GSN: variants seen among roughly 807,000 people sequenced by gnomAD.
The protein encoded by GSN is actin-depolymerizing factor.
In GSN, 56 loss-of-function variants were observed where a neutral mutation model predicts 85.7. The ratio of observed to expected loss-of-function variants is 0.65; its 90% CI spans 0.53 to 0.82. The LOEUF is 0.82. Among genes scored for constraint, GSN ranks in the 40% least tolerant of loss-of-function variants. The pLI, the probability that GSN is intolerant of heterozygous loss-of-function variation, is 0.00. For synonymous variants in GSN, 373 were observed against 399.1 expected, an observed-to-expected ratio of 0.93 and a Z score of 0.78; for missense variants, 857 against 979.8, an observed-to-expected ratio of 0.87 and a Z score of 1.67.
intron 4 of GSN, among the ~76,000 whole-genome samples, chr9:121,211,699 G>A (rs1036104735): frequency 6.6e-6 from 1 of 152,090 alleles, no homozygotes; most frequent in Non-Finnish European, 1.5e-5. Context: ...AGAGAGGTTA[G>A]TTGATCTTTT....
chr9:121,305,871 T>A (rs2060358736), intron 4 of GSN, among the ~76,000 whole-genome samples: 1 of 152,166 alleles, frequency 6.6e-6, no homozygotes, highest in African/African-American at 2.4e-5. Flanking sequence ...CAATTATAGA[T>A]CCCGGAGGAG....
chr9:121,240,080 A>T (rs1294398455), intron 5 of GSN: 1 of 152,852 alleles, frequency 6.5e-6, no homozygotes, highest in Non-Finnish European at 1.5e-5. Context: ...CAGCGCCATC[A>T]TCTTGACATA....
intron 4 of GSN, among the ~76,000 whole-genome samples, chr9:121,212,749 T>C (rs2053990480): frequency 1.3e-5 from 2 of 151,218 alleles, no homozygotes; most frequent in Admixed American, 6.6e-5. Context: ...ATTCAAGCAA[T>C]TCTCCTGCCT....
the GSN span, among the ~76,000 whole-genome samples, chr9:121,202,166 G>T: frequency 9.2e-5 from 14 of 152,364 alleles, no homozygotes; most frequent in South Asian, 1.2e-3. Context: ...CTGGTGGGGT[G>T]CGCCTGCGTC....
At chr9:121,264,122 G>C (rs2055147700), upstream of GSN, among the ~76,000 whole-genome samples, 1 of 152,066 alleles carries the variant, frequency 6.6e-6, no homozygotes, top group Non-Finnish European at 1.5e-5. Flanking sequence ...ATTGAAGGCT[G>C]TGCTTAATAC....
At chr9:121,300,885 C>T (rs1467075178) in intron 2 of GSN, among the ~76,000 whole-genome samples, 3 of 152,134 alleles carry the variant, frequency 2.0e-5, no homozygotes, top group Non-Finnish European at 2.9e-5. Flanking sequence ...AGAGGGGGCT[C>T]CTGTGGATCA....
At chr9:121,264,269 A>G (rs558183472), upstream of GSN, among the ~76,000 whole-genome samples, 3 of 152,064 alleles carry the variant, frequency 2.0e-5, no homozygotes, top group East Asian at 5.8e-4. Flanking sequence ...GTCTGGTAAC[A>G]TAGAGAGACT....
chr9:121,291,793 T>C (rs1394153657), intron 2 of GSN, among the ~76,000 whole-genome samples: 1 of 152,162 alleles, frequency 6.6e-6, no homozygotes, highest in Non-Finnish European at 1.5e-5. Flanking sequence ...ATATGGCCAT[T>C]CTATCCCTGT....
upstream of GSN, chr9:121,203,254 C>T (rs1163172759): frequency 6.6e-6 from 1 of 152,096 alleles, no homozygotes; most frequent in East Asian, 1.9e-4. Flanking sequence ...CACTGTGTCA[C>T]TAGATAGAGT....
chr9:121,323,433 G>T (rs1337399073), intron 11 of GSN, among the ~76,000 whole-genome samples: 1 of 146,322 alleles, frequency 6.8e-6, no homozygotes, highest in Non-Finnish European at 1.5e-5. Flanking sequence ...GCAGTGGCAT[G>T]ATCTCGGCTC....
intron 1 of GSN, among the ~76,000 whole-genome samples, chr9:121,272,074 G>A (rs2056058039): frequency 6.6e-6 from 1 of 152,208 alleles, no homozygotes; most frequent in Non-Finnish European, 1.5e-5. Flanking sequence ...GGCAGCCGGG[G>A]GATGTTAAGT....
chr9:121,321,806 G>A (rs533397868), intron 11 of GSN, among the ~76,000 whole-genome samples: 33 of 151,934 alleles, frequency 2.2e-4, no homozygotes, highest in African/African-American at 6.3e-4. Flanking sequence ...GCAGTGGTGC[G>A]GTCTCGCTCA....
At chr9:121,272,591 G>A (rs1366214195) in intron 1 of GSN, among the ~76,000 whole-genome samples, 1 of 152,268 alleles carries the variant, frequency 6.6e-6, no homozygotes, top group East Asian at 1.9e-4. Context: ...GGACTGAATT[G>A]ATTGCCCCAT....
chr9:121,256,616 G>A (rs896422830), intron 6 of GSN, among the ~76,000 whole-genome samples: 2 of 152,184 alleles, frequency 1.3e-5, no homozygotes, highest in Non-Finnish European at 2.9e-5. Context: ...GGTGGCTTAT[G>A]CCTGTAATCC....
At chr9:121,263,113 G>A (rs1459444988), upstream of GSN, among the ~76,000 whole-genome samples, 2 of 152,178 alleles carry the variant, frequency 1.3e-5, no homozygotes, top group Non-Finnish European at 2.9e-5. Context: ...GAGCAGTGGT[G>A]TGCTGGTAAA....
intron 17 of GSN, 21 bp downstream of exon 17, chr9:121,331,469 G>A (rs1276087342): frequency 2.0e-6 from 3 of 1,473,036 alleles, no homozygotes; most frequent in African/African-American, 1.4e-5. Flanking sequence ...GAGTGCCTGG[G>A]GGCGGGGGGA....
upstream of GSN, among the ~76,000 whole-genome samples, chr9:121,263,081 G>A (rs1475224386): frequency 2.6e-5 from 4 of 152,214 alleles, no homozygotes; most frequent in Admixed American, 1.3e-4. Flanking sequence ...GCAGTGAGTC[G>A]AATGGGGGAA....
chr9:121,206,292 C>T (rs940758721), upstream of GSN, among the ~76,000 whole-genome samples: 5 of 151,774 alleles, frequency 3.3e-5, no homozygotes, highest in African/African-American at 4.8e-5. Flanking sequence ...GTATGGCTGT[C>T]GACATTAACC....
At chr9:121,325,246 G>A (rs992472979) in intron 12 of GSN, among the ~76,000 whole-genome samples, 1 of 152,202 alleles carries the variant, frequency 6.6e-6, no homozygotes, top group African/African-American at 2.4e-5. Context: ...TAAATCCTAG[G>A]TAGGATCCTA....
Sources: allele counts gnomAD v4.1 joint callset (sites outside exome capture counted in the v4.1 genomes callset), GRCh38; gene constraint gnomAD v4.1.1; transcripts MANE v1.5; gene names NCBI Gene and HGNC (gene_info 2026-07-23, HGNC 2026-07-21).